Variants in UBA5 observed in about 807,000 individuals in gnomAD.
UBA5 encodes ubiquitin like modifier activating enzyme 5, also known as ubiquitin-like modifier-activating enzyme 5.
In UBA5, 28 loss-of-function variants were observed where a neutral mutation model predicts 52.9. That is an observed-to-expected ratio of 0.53 (90% confidence interval 0.39 to 0.73). The LOEUF (loss-of-function observed/expected upper bound fraction) is 0.73. UBA5 is among the 30% of genes least tolerant of loss of function. The pLI, the probability that UBA5 is intolerant of heterozygous loss-of-function variation, is 0.00. For missense variants in UBA5, 388 were observed against 492.7 expected, an observed-to-expected ratio of 0.79 and a Z score of 2.01; for synonymous variants, 135 against 162.1, an observed-to-expected ratio of 0.83 and a Z score of 1.27.
upstream of UBA5, chr3:132,659,903 G>A: frequency 3.3e-6 from 3 of 903,552 alleles, no homozygotes; most frequent in South Asian, 2.2e-5. Flanking sequence ...CGCCGTTGCT[G>A]AGCAACGCTT....
Position 132,678,071 on chromosome 3 carries a change from T to A in UBA5, c.*1545T>A, listed in dbSNP as rs1299925357. 2.6e-5 allele frequency: 4 copies of A among 152,248 alleles called. No homozygotes were observed. The East Asian group carries it at 7.7e-4, about 29-fold the overall frequency. The allele number at this position is 152,248 out of a possible 1,614,324, so 9.4% of individuals were successfully genotyped here. ...TGCATATCAATTTAGTAAGGTTTTATAAAATTTTACAATTTGATAAAGTAT... is the reference window on the plus strand; with the variant it reads ...TGCATATCAATTTAGTAAGGTTTTAAAAAATTTTACAATTTGATAAAGTAT... On this transcript the variant is annotated 3_prime_UTR_variant, in exon 12 of 12. Coordinates refer to ENST00000356232, the MANE Select transcript of UBA5 (RefSeq NM_024818.6).
At chr3:132,661,751 A>G (rs1186656767) in intron 1 of UBA5, among the ~76,000 whole-genome samples, 2 of 152,254 alleles carry the variant, frequency 1.3e-5, no homozygotes, top group East Asian at 1.9e-4. Flanking sequence ...TAAAAATTGT[A>G]TAGTGTTAAA....
At chr3:132,658,411 TC>T (rs1272092049), upstream of UBA5, among the ~76,000 whole-genome samples, 1 of 152,246 alleles carries the variant, frequency 6.6e-6, no homozygotes, top group Non-Finnish European at 1.5e-5. Flanking sequence ...GGTTTAACAT[TC>T]AGCTTGGTTC....
chr3:132,659,346 T>C (rs1205913926), upstream of UBA5: 1 of 490,810 alleles, frequency 2.0e-6, no homozygotes, highest in African/African-American at 2.0e-5. Context: ...GGGACATAAA[T>C]CCATCCTTTA....
At chr3:132,671,456 T>A (rs973364628) in intron 6 of UBA5, among the ~76,000 whole-genome samples, 1 of 152,198 alleles carries the variant, frequency 6.6e-6, no homozygotes, top group African/African-American at 2.4e-5. Context: ...TGTTTTTAAC[T>A]TTTCAGATGA....
In UBA5 at chr3:132,675,268, C is replaced by T; in HGVS notation, c.833C>T (p.Thr278Ile). ...TCTAGGTTTCTGTTAAATTTTGGTACTGTTAGTTTTTACCTTGGATACAAT... is the reference window on the plus strand; with the variant it reads ...TCTAGGTTTCTGTTAAATTTTGGTATTGTTAGTTTTTACCTTGGATACAAT... ...NVLKFLLNFG[T>I]VSFYLGYNAM... The change falls in exon 9 of 12, where the codon ACT (threonine) becomes ATT (isoleucine). Residue 278 changes from threonine to isoleucine, a missense_variant. This residue lies in a region of UBA5 where 277 missense variants were observed against 326.4 expected (regional missense o/e 0.85). Transcript: ENST00000356232. 6.2e-7 allele frequency: 1 copy of T among 1,605,996 alleles called. No individual in the cohort carries two copies.
At chr3:132,660,033 C>G (rs1938055693), upstream of UBA5, 2 of 403,534 alleles carry the variant, frequency 5.0e-6, no homozygotes, top group African/African-American at 4.2e-5. This position sits in a 1 kb window ranked among gnomAD's most constrained non-coding sequence, Gnocchi z 4.1. Flanking sequence ...GAAGGCAAAG[C>G]CATGGTCATC....
At chr3:132,671,974 A>G in intron 7 of UBA5, 76 bp from the exon 8 acceptor site, 1 of 1,603,224 alleles carries the variant, frequency 6.2e-7, no homozygotes, top group Admixed American at 1.7e-5. Flanking sequence ...GAAAAAGCAA[A>G]CTTGGATGGA....
At position 132,676,915 on chromosome 3, in the gene UBA5, A is replaced by T; in HGVS notation, c.*389A>T. ...ATAAAGTAGTATATGATCCTCAGAT[A>T]CAGGGAGAAGGACAAGGCATACAGC... On this transcript the variant is annotated 3_prime_UTR_variant, in exon 12 of 12. Coordinates refer to ENST00000356232, the MANE Select transcript of UBA5 (RefSeq NM_024818.6). The surrounding 1 kb of genome is among the most constrained non-coding windows in gnomAD (Gnocchi z 4.1). The T allele has an allele frequency of 2.2e-6, 1 of 456,390 alleles. No homozygotes were observed. Among genetic ancestry groups the T allele is most frequent in the Non-Finnish European group, 4.4e-6 (1 of 227,082 alleles). The allele number at this position is 456,390 out of a possible 1,614,324, so 28.3% of individuals were successfully genotyped here.
rs755806234 is a variant in UBA5 at position 132,675,625 on chromosome 3, TA to T, written c.972del (p.Lys324AsnfsTer11). On this transcript the variant is annotated frameshift_variant, in exon 10 of 12. Coordinates refer to ENST00000356232, the MANE Select transcript of UBA5 (RefSeq NM_024818.6). LOFTEE classifies it high-confidence loss of function. The stretch of plus-strand genomic sequence containing the variant: ...TACAGAAAAAGGTAGCAGCACTGCC[TA>T]AACAAGAGGTTATACAAGAAGAGGA... ...EYKKKVAALP[K>X]QEVIQEEEEI... 1 of 1,612,840 alleles carries T rather than the reference TA, an allele frequency of 6.2e-7. No individual in the cohort carries two copies. Among genetic ancestry groups the T allele is most frequent in the Admixed American group, 1.7e-5 (1 of 59,930 alleles).
intron 4 of UBA5, among the ~76,000 whole-genome samples, chr3:132,669,258 A>T (rs139716675): frequency 6.6e-6 from 1 of 152,038 alleles, no homozygotes; most frequent in African/African-American, 2.4e-5. Context: ...ACAATTTTTA[A>T]TTTTTTTAAT....
chr3:132,675,817 G>C lies in UBA5; in HGVS notation c.1025G>C (p.Gly342Ala). ...EEIIHEDNEW[G>A]IELVSEVSEE... Reference sequence around the variant, plus strand: ...AACTGACATAGGATCAAATTTACAGGTATTGAGCTGGTATCTGAGGTTTCA... The same window carrying C: ...AACTGACATAGGATCAAATTTACAGCTATTGAGCTGGTATCTGAGGTTTCA... The change falls in exon 11 of 12, where the codon GGT becomes GCT. Residue 342 changes from glycine (G) to alanine (A), a missense_variant and splice_region_variant. Coordinates refer to ENST00000356232, the MANE Select transcript of UBA5 (RefSeq NM_024818.6). 6.2e-7 allele frequency: 1 copy of C among 1,607,744 alleles called. No individual in the cohort carries two copies. The highest frequency in any genetic ancestry group is 8.5e-7 in the Non-Finnish European group (1 of 1,176,900).
intron 1 of UBA5, among the ~76,000 whole-genome samples, chr3:132,664,738 T>G (rs556027735): frequency 6.6e-6 from 1 of 152,208 alleles, no homozygotes; most frequent in South Asian, 2.1e-4. Context: ...ATAAAGAAAT[T>G]AAGAGACTTT....
intron 3 of UBA5, 57 bp downstream of exon 3, chr3:132,666,130 C>G: frequency 2.7e-6 from 4 of 1,479,554 alleles, no homozygotes; most frequent in Non-Finnish European, 3.8e-6. Flanking sequence ...TGGAGTAAAT[C>G]AGGTACAAGT....
chr3:132,669,353 G>A (rs1938508556), intron 4 of UBA5, among the ~76,000 whole-genome samples: 1 of 151,936 alleles, frequency 6.6e-6, no homozygotes, highest in Admixed American at 6.6e-5. Flanking sequence ...CTGCACCTCC[G>A]CCTCCCGGGC....
At chr3:132,660,209 G>A (rs1938067662), upstream of UBA5, 10 of 437,570 alleles carry the variant, frequency 2.3e-5, no homozygotes, top group South Asian at 3.0e-4. The surrounding 1 kb of genome is among the most constrained non-coding windows in gnomAD (Gnocchi z 4.1). Context: ...AGGCAACATC[G>A]CTGGCCTCCT....
chr3:132,659,831 C>T, upstream of UBA5: 2 of 1,484,224 alleles, frequency 1.3e-6, no homozygotes, highest in Non-Finnish European at 1.8e-6. Context: ...GCAACGTCCC[C>T]TCTAGAGCAT....
intron 1 of UBA5, chr3:132,661,066 T>G (rs771918240): frequency 7.5e-7 from 1 of 1,325,346 alleles, no homozygotes; most frequent in African/African-American, 1.5e-5. Context: ...TTGAGTTTCA[T>G]TAAAGGCTTA....
In UBA5 at chr3:132,678,111, ACT is replaced by A. The variant is rs1938910416; in HGVS notation, c.*1586_*1587del. ...TGATAAAGTATCACATCTAGAATTC[ACT>A]GTCTTCTTTTATCTGCTCTCAAGTT... On this transcript the variant is annotated 3_prime_UTR_variant, in exon 12 of 12. Coordinates refer to ENST00000356232, the MANE Select transcript of UBA5 (RefSeq NM_024818.6). The A allele has an allele frequency of 6.6e-6, 1 of 152,124 alleles. No homozygotes were observed. Among genetic ancestry groups the A allele is most frequent in the Admixed American group, 6.5e-5 (1 of 15,278 alleles). The allele number at this position is 152,124 out of a possible 1,614,324, so 9.4% of individuals were successfully genotyped here. A position where few individuals can be genotyped will look rare whatever the true frequency, so the allele number is the denominator to read the frequency against.
Sources: allele counts gnomAD v4.1 joint callset (sites outside exome capture counted in the v4.1 genomes callset), GRCh38; gene constraint gnomAD v4.1.1; regional missense constraint gnomAD v4.1.1; non-coding constraint Gnocchi (gnomAD v3.1); transcripts MANE v1.5; gene names NCBI Gene and HGNC (gene_info 2026-07-23, HGNC 2026-07-21).